Variants in ADGRL2 observed in about 807,000 individuals in gnomAD.
The protein encoded by ADGRL2 is calcium-independent alpha-latrotoxin receptor 2.
Under a neutral mutation model 157.4 loss-of-function variants are expected in ADGRL2, and 44 were observed. The observed-to-expected ratio is 0.28, with a 90% CI of 0.22 to 0.36. The LOEUF (loss-of-function observed/expected upper bound fraction) is 0.36, where lower values mean the gene tolerates loss of function less well. Among genes scored for constraint, ADGRL2 ranks in the 10% least tolerant of loss-of-function variants. The pLI is 1.00. For synonymous variants in ADGRL2, 585 were observed against 624.7 expected (o/e 0.94, Z 0.95); for missense variants, 1,510 against 1,768.9 (o/e 0.85, Z 2.63).
chr1:81,330,084 G>T (rs969310115), intron 1 of ADGRL2, among the ~76,000 whole-genome samples: 1 of 152,028 alleles, frequency 6.6e-6, no homozygotes, highest in African/African-American at 2.4e-5. Context: ...TTCATTTCTA[G>T]CTGGTATTTG....
At chr1:81,845,709 A>G (rs551519485) in intron 2 of ADGRL2, among the ~76,000 whole-genome samples, 8 of 151,112 alleles carry the variant, frequency 5.3e-5, no homozygotes, top group African/African-American at 1.9e-4. Context: ...TTTATTGATA[A>G]TCCCCTTTTT....
chr1:81,382,369 A>C (rs2076358349), intron 1 of ADGRL2, among the ~76,000 whole-genome samples: 1 of 152,206 alleles, frequency 6.6e-6, no homozygotes, highest in African/African-American at 2.4e-5. Flanking sequence ...AGTTTAAAAT[A>C]ATAACAATCT....
chr1:81,389,112 G>T (rs569683843), intron 1 of ADGRL2, among the ~76,000 whole-genome samples: 2 of 152,140 alleles, frequency 1.3e-5, no homozygotes, highest in East Asian at 3.9e-4. Flanking sequence ...TTACTATATT[G>T]TCATCCCTTA....
In ADGRL2 at chr1:81,754,702, C is replaced by T. The variant is rs542820233; in HGVS notation, c.-142-7109C>T. Among the ~76,000 whole-genome samples the T allele has an allele frequency of 3.3e-3, 493 of 147,390 alleles. 7 individuals carry two copies. Among genetic ancestry groups the T allele is most frequent in the African/African-American group, 0.012 (472 of 39,692 alleles). The stretch of plus-strand genomic sequence containing the variant: ...CCTCCCTTCCTCCCTCCCTTCCTTC[C>T]TTCCTCTCTCTCTCTTTCTTTTTTT... On this transcript the variant is annotated intron_variant, in intron 1 of 20. Transcript: ENST00000359929.
chr1:81,439,043 G>A (rs946994420), intron 1 of ADGRL2, among the ~76,000 whole-genome samples: 3 of 151,956 alleles, frequency 2.0e-5, no homozygotes, highest in South Asian at 2.1e-4. Context: ...TTTACCTGCC[G>A]TAAAACTCCC....
chr1:81,964,849 T>G (rs952086783), intron 11 of ADGRL2, among the ~76,000 whole-genome samples: 1 of 152,052 alleles, frequency 6.6e-6, no homozygotes, highest in African/African-American at 2.4e-5. Flanking sequence ...ATTAATGAAT[T>G]TTTCATATAA....
chr1:81,425,484 G>A (rs1343263840), intron 1 of ADGRL2, among the ~76,000 whole-genome samples: 1 of 152,138 alleles, frequency 6.6e-6, no homozygotes, highest in Non-Finnish European at 1.5e-5. Context: ...GAAAAAATAT[G>A]TACCAAAATG....
chr1:81,444,286 C>T (rs2077561223), intron 1 of ADGRL2, among the ~76,000 whole-genome samples: 1 of 152,156 alleles, frequency 6.6e-6, no homozygotes, highest in African/African-American at 2.4e-5. Context: ...CAGTGGTTCA[C>T]AAAGACCAGT....
At chr1:81,921,329 C>T (rs780831739) in intron 3 of ADGRL2, among the ~76,000 whole-genome samples, 4 of 152,150 alleles carry the variant, frequency 2.6e-5, no homozygotes, top group African/African-American at 9.7e-5. Flanking sequence ...CATGCCACCT[C>T]AGTCTATTAA....
intron 3 of ADGRL2, among the ~76,000 whole-genome samples, chr1:81,616,664 C>CTTTTCTTCTA (rs2148691667): frequency 9.1e-6 from 1 of 110,492 alleles, no homozygotes; most frequent in East Asian, 2.7e-4. Context: ...TTTTTCTTTT[C>CTTTTCTTCTA]TTTTCTTTTC....
intron 2 of ADGRL2, among the ~76,000 whole-genome samples, chr1:81,496,021 A>T (rs897918203): frequency 2.0e-4 from 31 of 152,250 alleles, no homozygotes; most frequent in South Asian, 6.2e-4. Context: ...ATCAATAATA[A>T]ATCTCCCTCA....
At chr1:81,488,063 C>T (rs576357641) in intron 2 of ADGRL2, among the ~76,000 whole-genome samples, 10 of 152,208 alleles carry the variant, frequency 6.6e-5, no homozygotes, top group East Asian at 5.8e-4. Flanking sequence ...GCCCCCCGCC[C>T]GACTCTGGCT....
intron 2 of ADGRL2, among the ~76,000 whole-genome samples, chr1:81,573,736 G>T (rs561955842): frequency 6.6e-6 from 1 of 152,264 alleles, no homozygotes; most frequent in Non-Finnish European, 1.5e-5. Flanking sequence ...GTGTGGAGGA[G>T]AACTTTTGAG....
At chr1:81,942,894 T>A in intron 5 of ADGRL2, 75 bp from the exon 6 acceptor site, 1 of 1,068,448 alleles carries the variant, frequency 9.4e-7, no homozygotes, top group Admixed American at 1.9e-5. Context: ...CCTTTTGATT[T>A]GTGATCACTG....
intron 2 of ADGRL2, among the ~76,000 whole-genome samples, chr1:81,775,280 G>A (rs189144454): frequency 3.9e-5 from 6 of 152,176 alleles, no homozygotes; most frequent in Admixed American, 2.0e-4. Context: ...CTGAAGCAGC[G>A]GGTCTTTGTG....
intron 1 of ADGRL2, among the ~76,000 whole-genome samples, chr1:81,420,560 T>C (rs1436769259): frequency 6.6e-6 from 1 of 152,226 alleles, no homozygotes; most frequent in African/African-American, 2.4e-5. Flanking sequence ...CAGGATTCTT[T>C]TGATAATGAG....
At chr1:81,817,990 C>A (rs1292828570) in intron 1 of ADGRL2, among the ~76,000 whole-genome samples, 2 of 150,948 alleles carry the variant, frequency 1.3e-5, no homozygotes, top group Admixed American at 6.6e-5. Context: ...ATAGCAAGAC[C>A]CGTTTCTACC....
chr1:81,672,864 T>C (rs1012102399), intron 3 of ADGRL2, among the ~76,000 whole-genome samples: 1 of 152,228 alleles, frequency 6.6e-6, no homozygotes, highest in African/African-American at 2.4e-5. Flanking sequence ...GCAGTTTTCT[T>C]ATTAGTCATG....
intron 2 of ADGRL2, among the ~76,000 whole-genome samples, chr1:81,762,927 C>A (rs779957916): frequency 6.6e-6 from 1 of 151,612 alleles, no homozygotes; most frequent in Non-Finnish European, 1.5e-5. Context: ...TGGTGAGCCC[C>A]TGTAGTCCCA....
Sources: gnomAD v4.1 joint callset for allele counts (sites outside exome capture counted in the v4.1 genomes callset) on GRCh38, gnomAD v4.1.1 for gene constraint, MANE v1.5 for transcripts, NCBI Gene and HGNC (gene_info 2026-07-23, HGNC 2026-07-21) for gene names.